STOX1: variants seen among roughly 807,000 people sequenced by gnomAD.
STOX1 encodes the protein storkhead-box protein 1.
In STOX1, 57 loss-of-function variants were observed where a neutral mutation model predicts 74.8. The ratio of observed to expected loss-of-function variants is 0.76; its 90% CI spans 0.62 to 0.95. STOX1 has a LOEUF of 0.95. Ranked by LOEUF, STOX1 falls within the 40% of genes least tolerant of loss-of-function variation. The pLI is 0.00. For synonymous variants in STOX1, 375 were observed against 401.3 expected (o/e 0.93, Z 0.78); for missense variants, 1,010 against 1,117.0 (o/e 0.90, Z 1.37).
chr10:68,836,959 A>C (rs1442936640), intron 1 of STOX1, among the ~76,000 whole-genome samples: 1 of 152,172 alleles, frequency 6.6e-6, no homozygotes, highest in South Asian at 2.1e-4. Context: ...CCCTTCACCA[A>C]GCAACTGAAG....
intron 1 of STOX1, among the ~76,000 whole-genome samples, chr10:68,831,283 G>A (rs1244535540): frequency 1.3e-5 from 2 of 152,184 alleles, no homozygotes; most frequent in South Asian, 2.1e-4. Flanking sequence ...CACCTTCTGG[G>A]TTCATGCAAT....
At chr10:68,852,773 G>A (rs990725571) in intron 1 of STOX1, among the ~76,000 whole-genome samples, 1 of 150,246 alleles carries the variant, frequency 6.7e-6, no homozygotes, top group Non-Finnish European at 1.5e-5. Flanking sequence ...ATGGAGTCTC[G>A]CTCTGTCACT....
At position 68,884,850 on chromosome 10, in the gene STOX1, A is replaced by C; in HGVS notation, c.1054A>C (p.Asn352His). 6.2e-7 allele frequency: 1 copy of C among 1,614,162 alleles called. No homozygotes were observed. Residue 352 changes from asparagine to histidine, a missense_variant, in exon 3 of 4, where the codon AAT (asparagine) becomes CAT (histidine). By Grantham distance (68) the Asn-to-His change is moderately conservative. Coordinates refer to ENST00000298596, the MANE Select transcript of STOX1 (RefSeq NM_152709.5). The stretch of plus-strand genomic sequence containing the variant: ...CGTCCGAGATGAAGATGACTTGGAC[A>C]ATATCCCTCGAGATGTTGAACATGA... The part of the protein sequence containing the change: ...WPVRDEDDLD[N>H]IPRDVEHEII...
chr10:68,868,965 A>T (rs577539701), intron 1 of STOX1, among the ~76,000 whole-genome samples: 1 of 152,338 alleles, frequency 6.6e-6, no homozygotes, highest in South Asian at 2.1e-4. Flanking sequence ...CAAAGAGGGT[A>T]CACTGACAGT....
chr10:68,888,841 A>T (rs1446032366), intron 3 of STOX1, among the ~76,000 whole-genome samples: 1 of 76,400 alleles, frequency 1.3e-5, no homozygotes, highest in South Asian at 4.5e-4. Flanking sequence ...TTTTGGAGAG[A>T]TGGGGTTTCA....
intron 1 of STOX1, among the ~76,000 whole-genome samples, chr10:68,844,008 GTC>G (rs1019833150): frequency 1.3e-5 from 2 of 151,936 alleles, no homozygotes; most frequent in African/African-American, 4.8e-5. Context: ...GTGAAGCCCT[GTC>G]TCTACTAAAA....
At chr10:68,891,739 T>C (rs1841103336) in intron 3 of STOX1, among the ~76,000 whole-genome samples, 1 of 150,588 alleles carries the variant, frequency 6.6e-6, no homozygotes, top group Non-Finnish European at 1.5e-5. Flanking sequence ...AAGGCGGAGG[T>C]TGCAGTGGGC....
At chr10:68,836,075 G>C (rs1429248558) in intron 1 of STOX1, among the ~76,000 whole-genome samples, 1 of 152,124 alleles carries the variant, frequency 6.6e-6, no homozygotes, top group Non-Finnish European at 1.5e-5. Context: ...GTTTCACTGT[G>C]TTAGCAGGAT....
At chr10:68,846,193 C>G (rs1377658452) in intron 1 of STOX1, among the ~76,000 whole-genome samples, 1 of 150,796 alleles carries the variant, frequency 6.6e-6, no homozygotes, top group Non-Finnish European at 1.5e-5. Flanking sequence ...GTCACCCAGG[C>G]TGGAGTGCAG....
chr10:68,888,383 T>G (rs1470049954), intron 3 of STOX1, among the ~76,000 whole-genome samples: 2 of 152,214 alleles, frequency 1.3e-5, no homozygotes, highest in Non-Finnish European at 2.9e-5. Context: ...ATTACAGGTG[T>G]GAGCCACTGT....
intron 1 of STOX1, among the ~76,000 whole-genome samples, chr10:68,853,025 C>T (rs1301685259): frequency 4.0e-5 from 6 of 149,442 alleles, no homozygotes; most frequent in Non-Finnish European, 7.4e-5. Flanking sequence ...TGGGTTCAAG[C>T]GATTCTCCTG....
chr10:68,860,074 G>A lies in STOX1; in HGVS notation c.311-21884G>A, dbSNP rs551346464. ...TGGGAGGTCGAGATGGGCAGATCAC[G>A]AGGTCCAGAGTTCGAGACCAGCCTG... On this transcript the variant is annotated intron_variant, in intron 1 of 3. Transcript: ENST00000298596. Among the ~76,000 whole-genome samples, 21 of 151,906 alleles carry A rather than the reference G, an allele frequency of 1.4e-4. 1 individual carries two copies. The highest frequency in any genetic ancestry group is 4.8e-4 in the African/African-American group (20 of 41,324).
intron 2 of STOX1, among the ~76,000 whole-genome samples, chr10:68,882,435 A>T (rs1840832426): frequency 6.6e-6 from 1 of 152,126 alleles, no homozygotes; most frequent in Non-Finnish European, 1.5e-5. Context: ...TCCCAGAGGT[A>T]ATAACTGCTA....
rs1160388935 is a variant in STOX1 at position 68,874,013 on chromosome 10, C to CTTTTTTTTTTTTTTTTTTTTTTT, written c.311-7944_311-7922dup. Among the ~76,000 whole-genome samples, 5 of 25,752 alleles carry CTTTTTTTTTTTTTTTTTTTTTTT rather than the reference C, an allele frequency of 1.9e-4. 2 individuals are homozygous for CTTTTTTTTTTTTTTTTTTTTTTT. The highest frequency in any genetic ancestry group is 3.6e-4 in the African/African-American group (2 of 5,536). The allele number at this position is 25,752 out of a possible 152,430, so 16.9% of individuals were successfully genotyped here. On this transcript the variant is annotated intron_variant, in intron 1 of 3. Coordinates refer to ENST00000298596, the MANE Select transcript of STOX1 (RefSeq NM_152709.5). Reference sequence around the variant, plus strand: ...GAAAAATTGCAGATAGCTAGGTAGCCTTTTTTTTTTTTTTTTTTTTTTTGC... The same window carrying CTTTTTTTTTTTTTTTTTTTTTTT: ...GAAAAATTGCAGATAGCTAGGTAGCCTTTTTTTTTTTTTTTTTTTTTTTTTTTTTTTTTTTTTTTTTTTTTTGC...
chr10:68,884,466 A>C lies in STOX1; in HGVS notation c.670A>C (p.Met224Leu), dbSNP rs1227079327. 8 of 1,613,770 alleles carry C rather than the reference A, an allele frequency of 5.0e-6. No individual in the cohort carries two copies. Among genetic ancestry groups the C allele is most frequent in the Non-Finnish European group, 6.8e-6 (8 of 1,180,040 alleles). Residue 224 changes from methionine to leucine, a missense_variant, in exon 3 of 4, where the codon ATG becomes CTG. Coordinates refer to ENST00000298596, the MANE Select transcript of STOX1 (RefSeq NM_152709.5). Reference sequence around the variant, plus strand: ...AGCTTCCATGACATATCTGGTGAGCATGGAGAGCTGTGCAGAGTCAGCCCA... The same window carrying C: ...AGCTTCCATGACATATCTGGTGAGCCTGGAGAGCTGTGCAGAGTCAGCCCA... ...MPASMTYLVS[M>L]ESCAESAQEN...
chr10:68,853,225 G>C (rs1467171038), intron 1 of STOX1, among the ~76,000 whole-genome samples: 1 of 151,860 alleles, frequency 6.6e-6, no homozygotes, highest in Non-Finnish European at 1.5e-5. Context: ...GTGCCCGGCC[G>C]GTCATTTTGT....
rs896412615 is a variant in STOX1 at position 68,886,507 on chromosome 10, T to C, written c.2711T>C (p.Phe904Ser). ...RKHFPQKFQL[F>S]NTSHMPVLAQ... ...CATTTCCCACAAAAGTTCCAACTTT[T>C]CAACACTTCACATATGCCAGTGTTG... is the stretch of plus-strand genomic sequence containing the variant. The change falls in exon 3 of 4, where the codon TTC becomes TCC. Residue 904 changes from phenylalanine to serine, a missense_variant. Coordinates refer to ENST00000298596, the MANE Select transcript of STOX1 (RefSeq NM_152709.5). 5 of 1,613,956 alleles carry C rather than the reference T, an allele frequency of 3.1e-6. No homozygotes were observed. Among genetic ancestry groups the C allele is most frequent in the African/African-American group, 2.7e-5 (2 of 74,918 alleles).
intron 1 of STOX1, among the ~76,000 whole-genome samples, chr10:68,842,536 C>CTTTTTTTT (rs11332701): frequency 2.8e-5 from 2 of 71,972 alleles, no homozygotes; most frequent in Non-Finnish European, 2.6e-5. Flanking sequence ...TGTACCATTT[C>CTTTTTTTT]TTTTTTTTTT....
Position 68,848,960 on chromosome 10 carries a change from G to A in STOX1, c.310+21027G>A, listed in dbSNP as rs114718813. On this transcript the variant is annotated intron_variant, in intron 1 of 3. Coordinates refer to ENST00000298596, the MANE Select transcript of STOX1 (RefSeq NM_152709.5). ...GCTGGAATTACAGGCATGAGCCACCGTGCCTGACAACGTTAGCAGTTAATT... is the reference window on the plus strand; with the variant it reads ...GCTGGAATTACAGGCATGAGCCACCATGCCTGACAACGTTAGCAGTTAATT... Among the ~76,000 whole-genome samples the A allele has an allele frequency of 5.9e-3, 901 of 152,214 alleles. 11 individuals carry two copies. The highest frequency in any genetic ancestry group is 0.021 in the African/African-American group (857 of 41,528).
Sources: allele counts gnomAD v4.1 joint callset (sites outside exome capture counted in the v4.1 genomes callset), GRCh38; gene constraint gnomAD v4.1.1; transcripts MANE v1.5; gene names NCBI Gene and HGNC (gene_info 2026-07-23, HGNC 2026-07-21).